Variants in NAV2 observed in about 807,000 individuals in gnomAD.
The protein encoded by NAV2 is helicase, APC down-regulated 1.
NAV2 carries 54 observed loss-of-function variants against 223.2 expected under a neutral mutation model. The observed-to-expected ratio is 0.24, with a 90% CI of 0.19 to 0.30. The LOEUF is 0.30. Ranked by LOEUF, NAV2 falls within the 10% of genes least tolerant of loss-of-function variation. The pLI, the probability that NAV2 is intolerant of heterozygous loss-of-function variation, is 1.00. For synonymous variants in NAV2, 1,279 were observed against 1,239.3 expected, an observed-to-expected ratio of 1.03 and a Z score of -0.67; for missense variants, 2,806 against 3,147.5, an observed-to-expected ratio of 0.89 and a Z score of 2.60.
chr11:19,689,375 A>G (rs2049105090), intron 1 of NAV2, among the ~76,000 whole-genome samples: 1 of 152,192 alleles, frequency 6.6e-6, no homozygotes, highest in Admixed American at 6.5e-5. Context: ...AGAACCAGGA[A>G]TGGGAGGAAA....
upstream of NAV2, among the ~76,000 whole-genome samples, chr11:19,346,337 T>C (rs1159501358): frequency 1.3e-5 from 2 of 151,566 alleles, no homozygotes; most frequent in African/African-American, 4.9e-5. Context: ...TTGGTGGGGG[T>C]GGTGTAGGTG....
At chr11:19,751,244 C>T (rs1197088106) in intron 1 of NAV2, among the ~76,000 whole-genome samples, 1 of 152,200 alleles carries the variant, frequency 6.6e-6, no homozygotes, top group Non-Finnish European at 1.5e-5. Flanking sequence ...AGAGCTGGGA[C>T]TTTTATCCAG....
intron 4 of NAV2, among the ~76,000 whole-genome samples, chr11:19,873,976 T>C (rs2062694904): frequency 6.6e-6 from 1 of 152,156 alleles, no homozygotes; most frequent in Non-Finnish European, 1.5e-5. Flanking sequence ...CACACAACCA[T>C]GGCTCAAAGG....
intron 1 of NAV2, among the ~76,000 whole-genome samples, chr11:19,666,438 G>A (rs114725505): frequency 0.021 from 3,256 of 152,264 alleles, 112 homozygotes; most frequent in African/African-American, 0.064. Context: ...AGCAGCCGTA[G>A]GCAGCAGAAA....
chr11:20,084,133 T>C (rs2060267912), intron 26 of NAV2, among the ~76,000 whole-genome samples: 1 of 152,244 alleles, frequency 6.6e-6, no homozygotes, highest in Non-Finnish European at 1.5e-5. Context: ...AGTCTTGCTC[T>C]GTTGCCCAGG....
rs548788001 is a variant in NAV2, at chr11:19,410,477, G to A, written c.75+59450G>A. Among the ~76,000 whole-genome samples, 12 of 152,320 alleles carry A rather than the reference G, an allele frequency of 7.9e-5. No homozygotes were observed. The East Asian group carries it at 2.1e-3, about 27-fold the overall frequency. Reference sequence around the variant, plus strand: ...AATAAGGAAACCAAGGCATGGAGAGGCTAACTACCTTATCCAGGGTCACGC... The same window carrying A: ...AATAAGGAAACCAAGGCATGGAGAGACTAACTACCTTATCCAGGGTCACGC... On this transcript the variant is annotated intron_variant, in intron 1 of 37. Coordinates refer to the NAV2 transcript ENST00000360655.
intron 1 of NAV2, among the ~76,000 whole-genome samples, chr11:19,818,746 GCTA>G (rs1226241740): frequency 2.0e-5 from 3 of 152,174 alleles, no homozygotes; most frequent in Non-Finnish European, 4.4e-5. Context: ...CTACTACCAA[GCTA>G]CTGAAATTGT....
At chr11:19,829,710 T>G (rs1790712645) in intron 1 of NAV2, among the ~76,000 whole-genome samples, 1 of 152,168 alleles carries the variant, frequency 6.6e-6, no homozygotes, top group South Asian at 2.1e-4. Context: ...AGCACGCCTC[T>G]TTATTACCCT....
intron 16 of NAV2, among the ~76,000 whole-genome samples, chr11:20,050,959 A>G (rs1050591458): frequency 6.6e-5 from 10 of 152,224 alleles, no homozygotes; most frequent in Admixed American, 6.5e-4. Flanking sequence ...CCTGGGCAGT[A>G]GAAGGCACAG....
intron 1 of NAV2, among the ~76,000 whole-genome samples, chr11:19,629,898 G>A (rs553472370): frequency 6.6e-6 from 1 of 152,256 alleles, no homozygotes; most frequent in African/African-American, 2.4e-5. Context: ...CAAAGTCTTA[G>A]CCTCTGTCAG....
chr11:20,064,426 C>G lies in NAV2; in HGVS notation c.4884+2067C>G, dbSNP rs575964534. On this transcript the variant is annotated intron_variant, in intron 20 of 37. Coordinates refer to ENST00000349880, the MANE Select transcript of NAV2 (RefSeq NM_145117.5). ...AGAAGCTGTAGTGGATGTTTCAGTGCCCAGCCCCGTGTTTTCCCTGTGGCA... is the reference window on the plus strand; with the variant it reads ...AGAAGCTGTAGTGGATGTTTCAGTGGCCAGCCCCGTGTTTTCCCTGTGGCA... Among the ~76,000 whole-genome samples the G allele has an allele frequency of 3.0e-3, 450 of 152,320 alleles. 2 individuals are homozygous for G. The highest frequency in any genetic ancestry group is 0.011 in the African/African-American group (439 of 41,570).
intron 1 of NAV2, among the ~76,000 whole-genome samples, chr11:19,832,219 C>G (rs1052536713): frequency 2.6e-5 from 4 of 152,150 alleles, no homozygotes; most frequent in Non-Finnish European, 5.9e-5. Flanking sequence ...GTTCTGTGTC[C>G]CCTGTCTCAT....
Position 19,755,728 on chromosome 11 carries a change from C to T in NAV2, c.267+41766C>T, listed in dbSNP as rs183318854. Among the ~76,000 whole-genome samples, 5 of 152,282 alleles carry T rather than the reference C, an allele frequency of 3.3e-5. No homozygotes were observed. The East Asian group carries it at 9.6e-4, about 29-fold the overall frequency. On this transcript the variant is annotated intron_variant, in intron 1 of 37. Transcript: ENST00000349880. ...TTCACATAGCCTTGTTATAAGGACA[C>T]CAGTCTTTGGCTTTGCAACCCAATG...
Position 20,114,686 on chromosome 11 carries a change from C to A in NAV2, c.7055C>A (p.Pro2352His). The change falls in exon 37 of 38, where the codon CCC becomes CAC. Residue 2352 changes from proline to histidine, a missense_variant. Transcript: ENST00000349880. ...AGCCCACAACAGCACGAGTGGCCTC[C>A]CCTGCTGCAGTTACGGCCTGAGGAT... ...AASPQQHEWP[P>H]LLQLRPEDVG... The A allele has an allele frequency of 6.2e-7, 1 of 1,614,190 alleles. No individual in the cohort carries two copies. The highest frequency in any genetic ancestry group is 8.5e-7 in the Non-Finnish European group (1 of 1,180,034).
At position 20,005,631 on chromosome 11, in the gene NAV2, A is replaced by G. The variant is rs1206436613; in HGVS notation, c.2768+21384A>G. Reference sequence around the variant, plus strand: ...AGACAGATTTTCAATAAGGAGAGGAATACAGGGACAGGGAATCAACATTTC... The same window carrying G: ...AGACAGATTTTCAATAAGGAGAGGAGTACAGGGACAGGGAATCAACATTTC... On this transcript the variant is annotated intron_variant, in intron 11 of 37. Coordinates refer to ENST00000349880, the MANE Select transcript of NAV2 (RefSeq NM_145117.5). Among the ~76,000 whole-genome samples, 7 of 152,142 alleles carry G rather than the reference A, an allele frequency of 4.6e-5. No individual in the cohort carries two copies. In the South Asian group the frequency reaches 1.0e-3, roughly 23 times the overall value.
At chr11:19,740,031 C>G (rs1186135163) in intron 1 of NAV2, among the ~76,000 whole-genome samples, 1 of 152,110 alleles carries the variant, frequency 6.6e-6, no homozygotes, top group African/African-American at 2.4e-5. Flanking sequence ...AGCAGGCTCC[C>G]CCTGGAGGGC....
intron 1 of NAV2, among the ~76,000 whole-genome samples, chr11:19,828,041 G>A (rs115678470): frequency 0.031 from 4,659 of 152,176 alleles, 259 homozygotes; most frequent in African/African-American, 0.11. Context: ...CTACTCGGGA[G>A]GCTGAAGCAG....
At chr11:19,462,524 T>C (rs1455404258) in intron 1 of NAV2, among the ~76,000 whole-genome samples, 1 of 152,252 alleles carries the variant, frequency 6.6e-6, no homozygotes, top group Non-Finnish European at 1.5e-5. Context: ...CTATCTTCAA[T>C]GAGTGAATCA....
At chr11:19,678,034 G>A (rs1419971572) in intron 1 of NAV2, among the ~76,000 whole-genome samples, 1 of 152,096 alleles carries the variant, frequency 6.6e-6, no homozygotes, top group Non-Finnish European at 1.5e-5. Context: ...GTCAGGTTGG[G>A]GACTGGCCAG....
Sources: gnomAD v4.1 joint callset for allele counts (sites outside exome capture counted in the v4.1 genomes callset) on GRCh38, gnomAD v4.1.1 for gene constraint, MANE v1.5 for transcripts, NCBI Gene and HGNC (gene_info 2026-07-23, HGNC 2026-07-21) for gene names.